The following STPG2 variants were observed in gnomAD, a reference collection of about 807,000 sequenced individuals.
STPG2 encodes the protein sperm tail PG-rich repeat containing 2.
In STPG2, 56 loss-of-function variants were observed where a neutral mutation model predicts 54.2. The observed-to-expected ratio is 1.03, with a 90% CI of 0.83 to 1.29. The LOEUF (loss-of-function observed/expected upper bound fraction) is 1.29, where lower values mean the gene tolerates loss of function less well. Ranked by LOEUF, STPG2 falls within the 50% of genes most tolerant of loss-of-function variation. STPG2 has a pLI of 0.00. For missense variants in STPG2, 596 were observed against 544.9 expected, an observed-to-expected ratio of 1.09 and a Z score of -0.93; for synonymous variants, 200 against 181.8, an observed-to-expected ratio of 1.10 and a Z score of -0.81.
intron 8 of STPG2, among the ~76,000 whole-genome samples, chr4:97,914,829 A>G (rs1731812404): frequency 6.6e-6 from 1 of 152,130 alleles, no homozygotes; most frequent in Non-Finnish European, 1.5e-5. Flanking sequence ...AGCGTTTCCC[A>G]TTTCAGATTT....
intron 9 of STPG2, among the ~76,000 whole-genome samples, chr4:97,757,712 C>T (rs1374513780): frequency 5.3e-5 from 8 of 152,266 alleles, no homozygotes; most frequent in African/African-American, 7.2e-5. Flanking sequence ...GCATTATTAA[C>T]GGTCAGTAAG....
At chr4:97,801,648 A>T (rs763862608) in intron 9 of STPG2, among the ~76,000 whole-genome samples, 1 of 152,156 alleles carries the variant, frequency 6.6e-6, no homozygotes, top group Non-Finnish European at 1.5e-5. Context: ...CCTTTAAAAA[A>T]TGTCTCTTTT....
chr4:97,971,364 G>T (rs978393155), intron 7 of STPG2, among the ~76,000 whole-genome samples: 1 of 152,148 alleles, frequency 6.6e-6, no homozygotes, highest in Non-Finnish European at 1.5e-5. Context: ...TATGTTTATT[G>T]CAGCACTATT....
At chr4:97,508,389 A>C (rs1730898647) in intron 4 of STPG2, among the ~76,000 whole-genome samples, 2 of 152,150 alleles carry the variant, frequency 1.3e-5, no homozygotes, top group Admixed American at 6.6e-5. Flanking sequence ...TTCATACTAC[A>C]AAAATTATTC....
chr4:97,734,791 G>A (rs897733986), intron 9 of STPG2, among the ~76,000 whole-genome samples: 1 of 151,980 alleles, frequency 6.6e-6, no homozygotes, highest in Non-Finnish European at 1.5e-5. Context: ...GTTTCTGCAC[G>A]GCCGGGGGCG....
At chr4:97,514,318 T>G (rs1353114054) in intron 4 of STPG2, among the ~76,000 whole-genome samples, 2 of 152,038 alleles carry the variant, frequency 1.3e-5, no homozygotes, top group Non-Finnish European at 2.9e-5. Context: ...GAAAGGAGTC[T>G]GAAGAAACAG....
intron 10 of STPG2, among the ~76,000 whole-genome samples, chr4:97,684,428 A>C (rs1276572865): frequency 6.6e-6 from 1 of 151,962 alleles, no homozygotes; most frequent in African/African-American, 2.4e-5. Context: ...AAATAGACCA[A>C]CACAAGTACA....
chr4:97,713,396 G>A (rs1231978811), intron 9 of STPG2, among the ~76,000 whole-genome samples: 1 of 152,170 alleles, frequency 6.6e-6, no homozygotes, highest in Non-Finnish European at 1.5e-5. Flanking sequence ...GAAGTGACCA[G>A]AGGATAATTT....
intron 3 of STPG2, among the ~76,000 whole-genome samples, chr4:98,114,858 G>A (rs16996569): frequency 0.047 from 7,078 of 151,266 alleles, 244 homozygotes; most frequent in Admixed American, 0.13. Flanking sequence ...TAACCTCTGC[G>A]GTACTCAGGT....
chr4:97,682,431 C>T (rs1723064943), intron 10 of STPG2, among the ~76,000 whole-genome samples: 1 of 151,762 alleles, frequency 6.6e-6, no homozygotes, highest in Admixed American at 6.6e-5. Context: ...TTCTAGCTTC[C>T]TGTAACCATC....
rs534217075 is a variant in STPG2, at chr4:97,700,160, C to A, written c.1320+12539G>T. Reference sequence around the variant, plus strand: ...TCCTAGAGGTCTCTGCTGTGATTCACCTATGGGGGACTGCCAAAGGCTCCA... The same window carrying A: ...TCCTAGAGGTCTCTGCTGTGATTCAACTATGGGGGACTGCCAAAGGCTCCA... On this transcript the variant is annotated intron_variant, in intron 10 of 10. Transcript: ENST00000295268. 2.6e-5 allele frequency among the ~76,000 whole-genome samples: 4 copies of A among 152,264 alleles called. No homozygotes were observed. The South Asian group carries it at 8.3e-4, about 32-fold the overall frequency.
intron 8 of STPG2, among the ~76,000 whole-genome samples, chr4:97,872,139 C>T (rs1365117078): frequency 1.3e-5 from 2 of 150,918 alleles, no homozygotes; most frequent in Non-Finnish European, 3.0e-5. Context: ...TAATAAAATA[C>T]TTTATTGATA....
intron 10 of STPG2, among the ~76,000 whole-genome samples, chr4:97,707,037 C>G (rs1723966179): frequency 6.6e-6 from 1 of 151,982 alleles, no homozygotes; most frequent in Non-Finnish European, 1.5e-5. Context: ...ATTGCTGGTA[C>G]AACATCATTG....
At chr4:98,017,477 C>T (rs1364249120) in intron 5 of STPG2, among the ~76,000 whole-genome samples, 1 of 152,172 alleles carries the variant, frequency 6.6e-6, no homozygotes, top group African/African-American at 2.4e-5. Flanking sequence ...CTTCATCTTC[C>T]TTTCCCAACA....
chr4:97,499,809 G>A (rs1409522994), intron 4 of STPG2, among the ~76,000 whole-genome samples: 1 of 151,992 alleles, frequency 6.6e-6, no homozygotes, highest in Non-Finnish European at 1.5e-5. Context: ...TAGTGCAAGG[G>A]CAGGCGTGAG....
chr4:97,809,305 A>C (rs546723916), intron 9 of STPG2, among the ~76,000 whole-genome samples: 1 of 152,310 alleles, frequency 6.6e-6, no homozygotes, highest in Admixed American at 6.5e-5. Context: ...GTTTTAACTA[A>C]AACTGAGTAA....
rs1187352812 is a variant in STPG2 at position 98,143,445 on chromosome 4, G to T, written c.-295C>A. On this transcript the variant is annotated 5_prime_UTR_variant, in exon 1 of 11. Coordinates refer to ENST00000295268, the MANE Select transcript of STPG2 (RefSeq NM_174952.3). ...CACGCCACCAAAATTGGGTATTAGG[G>T]ATTAGACGCTCGCCCCGGTGCTTCC... Among the ~76,000 whole-genome samples the T allele has an allele frequency of 6.6e-6, 1 of 152,148 alleles. No individual in the cohort carries two copies. Among genetic ancestry groups the T allele is most frequent in the South Asian group, 2.1e-4 (1 of 4,820 alleles).
At chr4:97,643,658 TTAAAC>T (rs1279401079) in intron 10 of STPG2, among the ~76,000 whole-genome samples, 5 of 151,950 alleles carry the variant, frequency 3.3e-5, no homozygotes, top group East Asian at 3.9e-4. Flanking sequence ...TAAATTGACT[TTAAAC>T]TAATTTCCTT....
At chr4:97,967,406 A>G (rs868475008) in intron 7 of STPG2, among the ~76,000 whole-genome samples, 2 of 152,100 alleles carry the variant, frequency 1.3e-5, no homozygotes, top group Non-Finnish European at 2.9e-5. Context: ...CACAATAATA[A>G]TGGGAGACTT....
Sources: allele counts gnomAD v4.1 joint callset (sites outside exome capture counted in the v4.1 genomes callset), GRCh38; gene constraint gnomAD v4.1.1; transcripts MANE v1.5; gene names NCBI Gene and HGNC (gene_info 2026-07-23, HGNC 2026-07-21).